The following TTC28 variants were observed in gnomAD, a reference collection of about 807,000 sequenced individuals.
TTC28 encodes tetratricopeptide repeat domain 28.
TTC28 carries 61 observed loss-of-function variants against 198.0 expected under a neutral mutation model. That is an observed-to-expected ratio of 0.31 (90% CI 0.25 to 0.38). The LOEUF is 0.38. TTC28 is among the 10% of genes least tolerant of loss of function. TTC28 has a pLI of 1.00. For missense variants in TTC28, 2,678 were observed against 3,164.0 expected (o/e 0.85, Z 3.69); for synonymous variants, 1,171 against 1,297.8 (o/e 0.90, Z 2.10).
intron 2 of TTC28, among the ~76,000 whole-genome samples, chr22:28,326,639 C>G (rs907507477): frequency 6.6e-6 from 1 of 152,066 alleles, no homozygotes; most frequent in African/African-American, 2.4e-5. Flanking sequence ...AGACAGATAC[C>G]TTTTACTTGG....
At chr22:28,367,559 A>G (rs2046267878) in intron 2 of TTC28, among the ~76,000 whole-genome samples, 1 of 152,022 alleles carries the variant, frequency 6.6e-6, no homozygotes, top group Non-Finnish European at 1.5e-5. Flanking sequence ...CAAAATTAAT[A>G]GAGAAATAAT....
intron 5 of TTC28, among the ~76,000 whole-genome samples, chr22:28,179,162 T>C (rs1923459887): frequency 6.8e-6 from 1 of 146,540 alleles, no homozygotes; most frequent in African/African-American, 2.7e-5. Context: ...GTTTTTTTGT[T>C]TTGTTTTTTT....
chr22:28,228,208 G>A (rs1475737871), intron 5 of TTC28, among the ~76,000 whole-genome samples: 2 of 151,982 alleles, frequency 1.3e-5, no homozygotes. Flanking sequence ...ACAGGCTGAG[G>A]AGGAAAGGAG....
At chr22:28,179,997 A>C (rs1320295277) in intron 5 of TTC28, among the ~76,000 whole-genome samples, 1 of 152,196 alleles carries the variant, frequency 6.6e-6, no homozygotes, top group East Asian at 1.9e-4. Flanking sequence ...GCTAATCTTT[A>C]AAAACTTGTA....
At chr22:28,347,556 C>A (rs963158023) in intron 2 of TTC28, among the ~76,000 whole-genome samples, 1 of 152,112 alleles carries the variant, frequency 6.6e-6, no homozygotes, top group African/African-American at 2.4e-5. Context: ...GCAGGTAAGG[C>A]GCACTGAAAA....
intron 12 of TTC28, among the ~76,000 whole-genome samples, chr22:28,085,452 A>G (rs889543607): frequency 6.6e-6 from 1 of 152,188 alleles, no homozygotes; most frequent in African/African-American, 2.4e-5. Context: ...TTTACAGACA[A>G]GCAAATGCTG....
At chr22:28,328,794 ATAAT>A (rs2045572889) in intron 2 of TTC28, among the ~76,000 whole-genome samples, 1 of 137,610 alleles carries the variant, frequency 7.3e-6, no homozygotes, top group Admixed American at 7.1e-5. Flanking sequence ...AATAATAATA[ATAAT>A]AATAATATGT....
chr22:28,226,788 G>A (rs1928376261), intron 5 of TTC28, among the ~76,000 whole-genome samples: 1 of 152,084 alleles, frequency 6.6e-6, no homozygotes, highest in African/African-American at 2.4e-5. Context: ...CCAAGTATCT[G>A]TTCAACTCTT....
At chr22:28,433,661 T>C (rs964298567) in intron 2 of TTC28, among the ~76,000 whole-genome samples, 9 of 152,348 alleles carry the variant, frequency 5.9e-5, no homozygotes, top group African/African-American at 1.9e-4. Context: ...TATGTATTAA[T>C]CACATGGGTT....
rs2050402052 is a variant in TTC28, at chr22:28,590,188, CGCAATCTCGGCT to C, written c.381+39352_381+39363del. Among the ~76,000 whole-genome samples, 4 of 147,450 alleles carry C rather than the reference CGCAATCTCGGCT, an allele frequency of 2.7e-5. No individual in the cohort carries two copies. The South Asian group carries it at 8.6e-4, about 32-fold the overall frequency. On this transcript the variant is annotated intron_variant, in intron 2 of 22. Coordinates refer to ENST00000397906, the MANE Select transcript of TTC28 (RefSeq NM_001145418.2). ...TGTCGCCCAGGCTGGAGTGCAGCGG[CGCAATCTCGGCT>C]CACTGCAAGCTCCACTTCCCAGGTT...
intron 2 of TTC28, among the ~76,000 whole-genome samples, chr22:28,476,512 T>C (rs527348279): frequency 2.6e-5 from 4 of 152,306 alleles, no homozygotes; most frequent in African/African-American, 9.6e-5. Flanking sequence ...AGTTCAACTT[T>C]TAAAATATTG....
At chr22:28,043,152 A>C (rs1436000863) in intron 12 of TTC28, among the ~76,000 whole-genome samples, 1 of 145,440 alleles carries the variant, frequency 6.9e-6, no homozygotes, top group Non-Finnish European at 1.5e-5. Flanking sequence ...GCTGAGGCAG[A>C]GAACTGCTTG....
intron 1 of TTC28, among the ~76,000 whole-genome samples, chr22:28,673,788 A>G (rs1451613532): frequency 6.6e-6 from 1 of 152,208 alleles, no homozygotes. Flanking sequence ...TCATATTTGT[A>G]TCATACTATG....
At chr22:28,367,611 T>C (rs1314845751) in intron 2 of TTC28, among the ~76,000 whole-genome samples, 2 of 151,068 alleles carry the variant, frequency 1.3e-5, no homozygotes, top group Non-Finnish European at 3.0e-5. Flanking sequence ...ATGAAAAAAA[T>C]ACAATCAATG....
At chr22:28,482,805 A>G (rs941710387) in intron 2 of TTC28, among the ~76,000 whole-genome samples, 1 of 152,184 alleles carries the variant, frequency 6.6e-6, no homozygotes. Context: ...TGAACATTTC[A>G]TATCAATGAA....
At position 28,530,574 on chromosome 22, in the gene TTC28, C is replaced by G. The variant is rs141737020; in HGVS notation, c.381+98978G>C. Among the ~76,000 whole-genome samples the G allele has an allele frequency of 9.9e-5, 15 of 152,242 alleles. No homozygotes were observed. In the East Asian group the frequency reaches 2.7e-3, roughly 27 times the overall value. On this transcript the variant is annotated intron_variant, in intron 2 of 22. Transcript: ENST00000397906. ...ATACAGAGAACGCCACAAAGATACTCCTCCAGAAGAGCAACTCTAAGACAC... is the reference window on the plus strand; with the variant it reads ...ATACAGAGAACGCCACAAAGATACTGCTCCAGAAGAGCAACTCTAAGACAC...
chr22:28,478,383 C>A (rs2048194884), intron 2 of TTC28, among the ~76,000 whole-genome samples: 1 of 152,136 alleles, frequency 6.6e-6, no homozygotes, highest in African/African-American at 2.4e-5. Flanking sequence ...GTGGCATGTG[C>A]CTGTAATACC....
At chr22:28,258,212 G>A (rs1302668685) in intron 5 of TTC28, among the ~76,000 whole-genome samples, 5 of 152,090 alleles carry the variant, frequency 3.3e-5, no homozygotes, top group Admixed American at 2.6e-4. Flanking sequence ...CAGGTTGAAC[G>A]TGCACAGGTC....
At chr22:28,657,826 C>G (rs1262552619) in intron 1 of TTC28, among the ~76,000 whole-genome samples, 1 of 152,036 alleles carries the variant, frequency 6.6e-6, no homozygotes, top group Non-Finnish European at 1.5e-5. Context: ...TTGCAGTGAG[C>G]TGAAATCACA....
Sources: gnomAD v4.1 joint callset for allele counts (sites outside exome capture counted in the v4.1 genomes callset) on GRCh38, gnomAD v4.1.1 for gene constraint, MANE v1.5 for transcripts, NCBI Gene and HGNC (gene_info 2026-07-23, HGNC 2026-07-21) for gene names.